TCF25: variants seen among roughly 807,000 people sequenced by gnomAD.
The protein encoded by TCF25 is ribosome quality control complex subunit TCF25.
In TCF25, 41 loss-of-function variants were observed where a neutral mutation model predicts 83.1. That is an observed-to-expected ratio of 0.49 (90% CI 0.38 to 0.64). The LOEUF is 0.64. Among genes scored for constraint, TCF25 ranks in the 30% least tolerant of loss-of-function variants. The probability of loss-of-function intolerance (pLI) is 0.00; values close to 1 mark genes in which losing one functional copy is unlikely to be tolerated. For synonymous variants in TCF25, 458 were observed against 365.0 expected, an observed-to-expected ratio of 1.25 and a Z score of -2.90; for missense variants, 979 against 914.5, an observed-to-expected ratio of 1.07 and a Z score of -0.91.
intron 9 of TCF25, among the ~76,000 whole-genome samples, chr16:89,897,928 C>A (rs943882875): frequency 2.8e-4 from 42 of 152,190 alleles, no homozygotes; most frequent in African/African-American, 9.9e-4. Flanking sequence ...ACGGTGAAAC[C>A]CCGTCTCTAC....
At position 89,885,958 on chromosome 16, in the gene TCF25, G is replaced by A. The variant is rs372858329; in HGVS notation, c.540G>A (p.Val180=). 1.2e-5 allele frequency: 19 copies of A among 1,584,652 alleles called. No homozygotes were observed. The highest frequency in any genetic ancestry group is 1.6e-5 in the Non-Finnish European group (19 of 1,163,914). The change falls in exon 4 of 18, where the codon GTG becomes GTA. Residue 180 remains valine, a synonymous_variant. Coordinates refer to ENST00000263346, the MANE Select transcript of TCF25 (RefSeq NM_014972.3). The part of the protein sequence containing the change: ...PLSSRKHVLY[V]EHRHLNPDTE... Reference sequence around the variant, plus strand: ...GCTCCAGGAAGCACGTTCTCTACGTGGAGCACAGGTGTGGCCCCCGCCCTT... The same window carrying A: ...GCTCCAGGAAGCACGTTCTCTACGTAGAGCACAGGTGTGGCCCCCGCCCTT...
intron 1 of TCF25, among the ~76,000 whole-genome samples, chr16:89,880,642 T>A (rs1231284229): frequency 6.6e-6 from 1 of 151,094 alleles, no homozygotes; most frequent in African/African-American, 2.4e-5. Context: ...TAGTCCCAGC[T>A]CCTGGGGAGG....
Position 89,898,495 on chromosome 16 carries a change from G to A in TCF25, c.1023-62G>A, listed in dbSNP as rs1173621256. The A allele has an allele frequency of 5.2e-5, 81 of 1,555,890 alleles. 1 individual carries two copies. The South Asian group carries it at 8.1e-4, about 16-fold the overall frequency. On this transcript the variant is annotated intron_variant, in intron 9 of 17. Transcript: ENST00000263346. Reference sequence around the variant, plus strand: ...GGGTGGAGTGGGTGCTGGCCGGGGCGCTGAGCAGAGAGCATTCTCCTTTGT... The same window carrying A: ...GGGTGGAGTGGGTGCTGGCCGGGGCACTGAGCAGAGAGCATTCTCCTTTGT...
At chr16:89,887,955 G>A (rs554384490) in intron 5 of TCF25, among the ~76,000 whole-genome samples, 1 of 152,304 alleles carries the variant, frequency 6.6e-6, no homozygotes, top group Admixed American at 6.5e-5. Context: ...CCCTCACACT[G>A]CCTTGTCCAG....
chr16:89,884,510 C>G, intron 2 of TCF25, 72 bp from the exon 3 acceptor site: 2 of 1,536,124 alleles, frequency 1.3e-6, no homozygotes, highest in Non-Finnish European at 1.8e-6. Context: ...TGGAGTCACG[C>G]TTGCTGCTTT....
At chr16:89,907,631 C>T (rs1220266322) in intron 16 of TCF25, among the ~76,000 whole-genome samples, 27 of 121,698 alleles carry the variant, frequency 2.2e-4, no homozygotes, top group Non-Finnish European at 3.8e-4. Context: ...CTCCCGCCTC[C>T]CTCATCCTAG....
rs568459425 is a variant in TCF25 at position 89,909,029 on chromosome 16, T to A, written c.1800-1562T>A. 7.8e-6 allele frequency: 10 copies of A among 1,289,554 alleles called. No homozygotes were observed. The Admixed American group carries it at 2.3e-4, about 30-fold the overall frequency. The allele number at this position is 1,289,554 out of a possible 1,614,324, so 79.9% of individuals were successfully genotyped here. On this transcript the variant is annotated intron_variant, in intron 16 of 17. Coordinates refer to ENST00000263346, the MANE Select transcript of TCF25 (RefSeq NM_014972.3). ...CACAGCTCTGCGTTTGCAGGCCACG[T>A]TCTTTCCCATCTCCACCGAATGTAC...
intron 15 of TCF25, 70 bp downstream of exon 15, chr16:89,906,354 G>T: frequency 6.6e-7 from 1 of 1,506,784 alleles, no homozygotes; most frequent in Non-Finnish European, 9.1e-7. Flanking sequence ...TGCTCCGGGC[G>T]GTCCACATGC....
intron 6 of TCF25, among the ~76,000 whole-genome samples, chr16:89,892,934 C>T (rs2043541130): frequency 6.6e-6 from 1 of 151,814 alleles, no homozygotes; most frequent in African/African-American, 2.4e-5. Context: ...ACGGCCGCTT[C>T]TCCTGCGCCT....
Position 89,904,251 on chromosome 16 carries a change from G to A in TCF25, c.1469+46G>A, listed in dbSNP as rs1169317954. 6.5e-6 allele frequency: 10 copies of A among 1,540,906 alleles called. No homozygotes were observed. In the East Asian group the frequency reaches 9.8e-5, roughly 15 times the overall value. On this transcript the variant is annotated intron_variant, in intron 13 of 17. Coordinates refer to ENST00000263346, the MANE Select transcript of TCF25 (RefSeq NM_014972.3). ...CCCATCTGTGGGTGCCTGTGGGTTC[G>A]GAGCCTGGGAGCCATTTTCACTCAT...
At chr16:89,889,337 A>ATTTAT (rs1234057446) in intron 5 of TCF25, 2 of 284,446 alleles carry the variant, frequency 7.0e-6, no homozygotes, top group East Asian at 1.2e-4. Flanking sequence ...GCCACCGCTA[A>ATTTAT]TTTATTTTAT....
intron 16 of TCF25, chr16:89,909,986 G>A (rs2045412155): frequency 6.6e-6 from 1 of 152,532 alleles, no homozygotes; most frequent in Admixed American, 6.5e-5. Context: ...CTTCTGGGCT[G>A]GAAAGTACTT....
intron 3 of TCF25, 116 bp from the exon 4 acceptor site, chr16:89,885,732 C>T (rs1257581910): frequency 4.7e-6 from 4 of 854,342 alleles, no homozygotes; most frequent in African/African-American, 3.4e-5. Flanking sequence ...TTATGCTGTC[C>T]TTTAGGAAGT....
intron 5 of TCF25, chr16:89,889,706 A>T (rs1028653767): frequency 7.2e-5 from 11 of 153,158 alleles, no homozygotes; most frequent in African/African-American, 2.7e-4. Flanking sequence ...ATGTGCCACC[A>T]TGTCCAGCTA....
chr16:89,903,882 C>T (rs2044553364), intron 12 of TCF25, among the ~76,000 whole-genome samples: 1 of 152,112 alleles, frequency 6.6e-6, no homozygotes, highest in Non-Finnish European at 1.5e-5. Flanking sequence ...CAAATGGGGG[C>T]CCTGGCAGCC....
chr16:89,911,244 C>G lies in TCF25; in HGVS notation c.*6C>G. On this transcript the variant is annotated 3_prime_UTR_variant, in exon 18 of 18. Transcript: ENST00000263346. ...GGGAGGGGGAGTGGGACTGAGCGTC[C>G]GCAGAGGTGACCGAAAAGCCGTATG... 1 of 1,611,868 alleles carries G rather than the reference C, an allele frequency of 6.2e-7. No individual in the cohort carries two copies. The highest frequency in any genetic ancestry group is 8.5e-7 in the Non-Finnish European group (1 of 1,179,602).
chr16:89,889,164 A>G (rs1474153023), intron 5 of TCF25: 5 of 378,330 alleles, frequency 1.3e-5, no homozygotes, highest in African/African-American at 6.6e-5. Context: ...TGGACTCTCC[A>G]TCGAAGTGTC....
chr16:89,888,070 A>G (rs557369858), intron 5 of TCF25, among the ~76,000 whole-genome samples: 1 of 152,084 alleles, frequency 6.6e-6, no homozygotes, highest in Non-Finnish European at 1.5e-5. Context: ...GTTTGAGACC[A>G]GCTGGGCAAC....
chr16:89,885,240 A>C (rs2042916757), intron 3 of TCF25, among the ~76,000 whole-genome samples: 1 of 152,192 alleles, frequency 6.6e-6, no homozygotes, highest in East Asian at 1.9e-4. Flanking sequence ...GAAAAGGGAA[A>C]GTTACTTTCT....
Sources: gnomAD v4.1 joint callset for allele counts (sites outside exome capture counted in the v4.1 genomes callset) on GRCh38, gnomAD v4.1.1 for gene constraint, MANE v1.5 for transcripts, NCBI Gene and HGNC (gene_info 2026-07-23, HGNC 2026-07-21) for gene names.